SGCZ: variants seen among roughly 807,000 people sequenced by gnomAD.
SGCZ encodes sarcoglycan zeta.
Under a neutral mutation model 41.3 loss-of-function variants are expected in SGCZ, and 40 were observed. The observed-to-expected ratio is 0.97, with a 90% CI of 0.75 to 1.26. SGCZ has a LOEUF of 1.26. Ranked by LOEUF, SGCZ falls within the 50% of genes most tolerant of loss-of-function variation. The pLI is 0.00. For synonymous variants in SGCZ, 206 were observed against 137.5 expected, an observed-to-expected ratio of 1.50 and a Z score of -3.49; for missense variants, 552 against 369.8, an observed-to-expected ratio of 1.49 and a Z score of -4.04.
At chr8:15,069,130 T>G (rs1209484906) in intron 1 of SGCZ, among the ~76,000 whole-genome samples, 1 of 152,190 alleles carries the variant, frequency 6.6e-6, no homozygotes, top group Non-Finnish European at 1.5e-5. Flanking sequence ...TTACCTAAAT[T>G]CAATGGATAG....
intron 6 of SGCZ, among the ~76,000 whole-genome samples, chr8:14,107,560 T>C (rs566336066): frequency 6.6e-6 from 1 of 152,226 alleles, no homozygotes; most frequent in Non-Finnish European, 1.5e-5. Context: ...CTATTTGCCC[T>C]GTCTTTATTC....
At position 14,088,793 on chromosome 8, in the gene SGCZ, T is replaced by C. The variant is rs547284531; in HGVS notation, c.*1650A>G. ...TAATTCTGGTCAAATATTTCACTTT[T>C]CTTCTTGCATTGCCAATATTTCTAC... is the stretch of plus-strand genomic sequence containing the variant. On this transcript the variant is annotated 3_prime_UTR_variant, in exon 8 of 8. Transcript: ENST00000382080. Among the ~76,000 whole-genome samples the C allele has an allele frequency of 8.1e-4, 123 of 152,048 alleles. No homozygotes were observed. The highest frequency in any genetic ancestry group is 6.8e-3 in the Middle Eastern group (2 of 294).
intron 1 of SGCZ, among the ~76,000 whole-genome samples, chr8:14,780,577 T>G (rs1449130918): frequency 3.9e-5 from 6 of 152,108 alleles, no homozygotes; most frequent in Non-Finnish European, 8.8e-5. Flanking sequence ...AAAAAAATAC[T>G]GAAGTTTTCC....
chr8:14,351,186 A>G (rs1396914029), intron 2 of SGCZ, among the ~76,000 whole-genome samples: 1 of 152,162 alleles, frequency 6.6e-6, no homozygotes, highest in African/African-American at 2.4e-5. Flanking sequence ...AAAGAGCTAC[A>G]TTCTTATTAC....
chr8:14,880,469 G>T (rs189861601), intron 1 of SGCZ, among the ~76,000 whole-genome samples: 2 of 152,254 alleles, frequency 1.3e-5, no homozygotes, highest in African/African-American at 2.4e-5. Context: ...ACCCAAAGGA[G>T]TATAAATCAT....
chr8:14,923,966 G>A (rs1363001438), intron 1 of SGCZ, among the ~76,000 whole-genome samples: 1 of 152,120 alleles, frequency 6.6e-6, no homozygotes, highest in Non-Finnish European at 1.5e-5. Context: ...GTGACAAAAG[G>A]CAGCAACTTC....
At chr8:15,126,244 A>T (rs1016873253) in intron 1 of SGCZ, among the ~76,000 whole-genome samples, 3 of 152,232 alleles carry the variant, frequency 2.0e-5, no homozygotes, top group Non-Finnish European at 4.4e-5. Flanking sequence ...TGTATTTTTT[A>T]AATTTACATT....
intron 1 of SGCZ, among the ~76,000 whole-genome samples, chr8:14,981,033 C>T (rs961183478): frequency 5.3e-5 from 8 of 152,130 alleles, no homozygotes; most frequent in African/African-American, 1.7e-4. Context: ...TCGGACTGCC[C>T]TACTAAATCT....
At chr8:14,740,337 C>T (rs1799164052) in intron 1 of SGCZ, among the ~76,000 whole-genome samples, 1 of 151,958 alleles carries the variant, frequency 6.6e-6, no homozygotes, top group African/African-American at 2.4e-5. Flanking sequence ...TGTGCTACAC[C>T]AGGACGGGTT....
chr8:14,565,043 A>T (rs1239624635), intron 1 of SGCZ, among the ~76,000 whole-genome samples: 1 of 152,238 alleles, frequency 6.6e-6, no homozygotes, highest in East Asian at 1.9e-4. Flanking sequence ...GAATTTCAAG[A>T]ATGATGAAAG....
At chr8:14,674,837 C>T (rs1480128188) in intron 1 of SGCZ, among the ~76,000 whole-genome samples, 2 of 151,710 alleles carry the variant, frequency 1.3e-5, no homozygotes, top group Admixed American at 1.3e-4. Context: ...CTTTGCCTTC[C>T]ACCATGAATA....
chr8:14,723,049 T>C (rs1209227357), intron 1 of SGCZ, among the ~76,000 whole-genome samples: 1 of 152,198 alleles, frequency 6.6e-6, no homozygotes, highest in African/African-American at 2.4e-5. Context: ...CTATTGTTTA[T>C]GTCCATTTTG....
intron 1 of SGCZ, among the ~76,000 whole-genome samples, chr8:14,681,271 A>G (rs1254844998): frequency 6.6e-6 from 1 of 152,134 alleles, no homozygotes; most frequent in Non-Finnish European, 1.5e-5. Flanking sequence ...CACAATTAGG[A>G]ATTACTGTAG....
intron 4 of SGCZ, among the ~76,000 whole-genome samples, chr8:14,207,414 G>A (rs1805652020): frequency 6.6e-6 from 1 of 152,052 alleles, no homozygotes; most frequent in African/African-American, 2.4e-5. Context: ...CCATCTTATT[G>A]CAAACATATT....
At chr8:15,088,168 T>C (rs1490050725) in intron 1 of SGCZ, among the ~76,000 whole-genome samples, 3 of 152,132 alleles carry the variant, frequency 2.0e-5, no homozygotes, top group Non-Finnish European at 4.4e-5. Context: ...TGGTGTTTGA[T>C]CATATTATTG....
intron 1 of SGCZ, among the ~76,000 whole-genome samples, chr8:14,577,112 C>G (rs1317769161): frequency 6.6e-6 from 1 of 152,202 alleles, no homozygotes; most frequent in Admixed American, 6.5e-5. Context: ...TATCACTAAA[C>G]ACCTATAAAC....
intron 1 of SGCZ, among the ~76,000 whole-genome samples, chr8:14,803,556 C>T (rs2439724): frequency 0.33 from 49,649 of 151,854 alleles, 9,574 homozygotes; most frequent in East Asian, 0.49. Flanking sequence ...GATTATATCC[C>T]GCACCCGGCT....
chr8:14,894,576 G>C (rs1805126313), intron 1 of SGCZ, among the ~76,000 whole-genome samples: 1 of 152,062 alleles, frequency 6.6e-6, no homozygotes, highest in Non-Finnish European at 1.5e-5. Context: ...TGATCACTGG[G>C]CCTCTCACAC....
At position 14,757,475 on chromosome 8, in the gene SGCZ, C is replaced by G. The variant is rs554942011; in HGVS notation, c.40-202549G>C. On this transcript the variant is annotated intron_variant, in intron 1 of 7. Transcript: ENST00000382080. ...GAACCACTACCGATGCCTCTTTGTC[C>G]TCTCTAACTATACCTAAGAGTTCAG... 2.2e-4 allele frequency among the ~76,000 whole-genome samples: 33 copies of G among 152,322 alleles called. No homozygotes were observed. The Middle Eastern group carries it at 0.01, about 47-fold the overall frequency.
Sources: allele counts gnomAD v4.1 joint callset (sites outside exome capture counted in the v4.1 genomes callset), GRCh38; gene constraint gnomAD v4.1.1; transcripts MANE v1.5; gene names NCBI Gene and HGNC (gene_info 2026-07-23, HGNC 2026-07-21).